The following PDE4D variants were observed in gnomAD, a reference collection of about 807,000 sequenced individuals.
PDE4D encodes the protein phosphodiesterase 4D.
Under a neutral mutation model 87.4 loss-of-function variants are expected in PDE4D, and 24 were observed. The observed-to-expected ratio is 0.27, with a 90% CI of 0.20 to 0.39. The LOEUF (loss-of-function observed/expected upper bound fraction) is 0.39. PDE4D is among the 10% of genes least tolerant of loss of function. PDE4D has a pLI of 1.00. For synonymous variants in PDE4D, 384 were observed against 383.2 expected (o/e 1.00, Z -0.02); for missense variants, 714 against 1,041.0 (o/e 0.69, Z 4.32).
chr5:59,713,207 C>T (rs1218235349), intron 1 of PDE4D, among the ~76,000 whole-genome samples: 1 of 152,120 alleles, frequency 6.6e-6, no homozygotes, highest in Admixed American at 6.5e-5. Context: ...ACAGACATAC[C>T]TCATCTGACA....
intron 1 of PDE4D, among the ~76,000 whole-genome samples, chr5:59,489,719 T>G (rs1047426689): frequency 6.6e-6 from 1 of 152,134 alleles, no homozygotes; most frequent in Non-Finnish European, 1.5e-5. Context: ...TAAAAAGAAC[T>G]CAAAATGACT....
chr5:60,079,245 T>C (rs566158607), intron 2 of PDE4D, among the ~76,000 whole-genome samples: 1 of 152,306 alleles, frequency 6.6e-6, no homozygotes, highest in South Asian at 2.1e-4. Flanking sequence ...TTTTTTCTTA[T>C]AAATATGTTT....
At chr5:59,574,238 A>AAT (rs1224997923) in intron 1 of PDE4D, among the ~76,000 whole-genome samples, 50 of 141,432 alleles carry the variant, frequency 3.5e-4, no homozygotes, top group East Asian at 1.2e-3. Context: ...TTGTAAAGGT[A>AAT]ATATATATAT....
intron 1 of PDE4D, among the ~76,000 whole-genome samples, chr5:59,533,759 G>C (rs1814647189): frequency 6.6e-6 from 1 of 152,198 alleles, no homozygotes; most frequent in Non-Finnish European, 1.5e-5. Flanking sequence ...TTTTGGGGAA[G>C]GGGCCTGGTA....
intron 1 of PDE4D, among the ~76,000 whole-genome samples, chr5:59,264,884 A>G (rs1019863231): frequency 1.3e-5 from 2 of 151,942 alleles, no homozygotes; most frequent in African/African-American, 4.8e-5. Flanking sequence ...CCAGATCTCT[A>G]TTTTTGTCTG....
At chr5:60,298,200 A>T (rs1753587185) in intron 1 of PDE4D, among the ~76,000 whole-genome samples, 1 of 152,204 alleles carries the variant, frequency 6.6e-6, no homozygotes, top group South Asian at 2.1e-4. Flanking sequence ...TATCAGGTAC[A>T]GAAAATTTAT....
intron 1 of PDE4D, among the ~76,000 whole-genome samples, chr5:60,235,349 G>A (rs566780435): frequency 2.0e-5 from 3 of 151,930 alleles, no homozygotes; most frequent in African/African-American, 7.2e-5. Context: ...GTATTTATAA[G>A]AAACTACAAT....
intron 3 of PDE4D, among the ~76,000 whole-genome samples, chr5:59,941,143 G>A (rs1013146114): frequency 3.9e-5 from 6 of 152,130 alleles, no homozygotes; most frequent in Non-Finnish European, 7.3e-5. Flanking sequence ...TCACAGTCAG[G>A]TGAGTTAATT....
Position 58,990,056 on chromosome 5 carries a change from T to C in PDE4D, c.1288-137A>G, listed in dbSNP as rs570280804. 1.1e-4 allele frequency: 62 copies of C among 589,588 alleles called. 1 individual carries two copies. In the South Asian group the frequency reaches 1.3e-3, roughly 12 times the overall value. 36.5% of individuals were successfully genotyped at this position (589,588 alleles called of 1,614,324 possible). Reference sequence around the variant, plus strand: ...AATGGCAACTGCACTCTCACATGTCTAGTGAGGAAAATGGGAACCTCTGAG... The same window carrying C: ...AATGGCAACTGCACTCTCACATGTCCAGTGAGGAAAATGGGAACCTCTGAG... On this transcript the variant is annotated intron_variant, in intron 9 of 14. Transcript: ENST00000340635.
At chr5:59,615,852 A>G (rs1358511250) in intron 1 of PDE4D, among the ~76,000 whole-genome samples, 1 of 152,202 alleles carries the variant, frequency 6.6e-6, no homozygotes, top group Non-Finnish European at 1.5e-5. Flanking sequence ...CTTACAGCGA[A>G]GTATAGGTCT....
chr5:60,388,933 G>C lies in PDE4D; in HGVS notation c.-90+99009C>G, dbSNP rs556391111. On this transcript the variant is annotated intron_variant, in intron 1 of 16. Transcript: ENST00000502484. ...AATATTCATTGTGTACCTCTTATGGGCAAGTTATGGCTTTTCTAAGCATAT... is the reference window on the plus strand; with the variant it reads ...AATATTCATTGTGTACCTCTTATGGCCAAGTTATGGCTTTTCTAAGCATAT... Among the ~76,000 whole-genome samples the C allele has an allele frequency of 2.0e-5, 3 of 152,122 alleles. No homozygotes were observed. In the East Asian group the frequency reaches 5.8e-4, roughly 29 times the overall value.
In PDE4D at chr5:59,887,737, G is replaced by T. The variant is rs559151523; in HGVS notation, c.455+5431C>A. ...AAGCCATCAGTGTGTGTGTGTGTGTGTTTGTGTGTGTGTGTGTGTGTAAAT... is the reference window on the plus strand; with the variant it reads ...AAGCCATCAGTGTGTGTGTGTGTGTTTTTGTGTGTGTGTGTGTGTGTAAAT... On this transcript the variant is annotated intron_variant, in intron 1 of 14. Coordinates refer to ENST00000340635, the MANE Select transcript of PDE4D (RefSeq NM_001104631.2). Among the ~76,000 whole-genome samples, 170 of 151,010 alleles carry T rather than the reference G, an allele frequency of 1.1e-3. 2 individuals are homozygous for T. The highest frequency in any genetic ancestry group is 0.011 in the East Asian group (56 of 5,156).
At chr5:59,844,198 T>A (rs979459) in intron 1 of PDE4D, among the ~76,000 whole-genome samples, 34,106 of 152,064 alleles carry the variant, frequency 0.22, 4,866 homozygotes, top group Admixed American at 0.34. Context: ...AATAGTTTTT[T>A]AATTAATTAT....
intron 1 of PDE4D, among the ~76,000 whole-genome samples, chr5:59,543,785 C>G (rs1209181626): frequency 6.6e-6 from 1 of 152,132 alleles, no homozygotes; most frequent in Non-Finnish European, 1.5e-5. Flanking sequence ...GTCAGGCAAA[C>G]TTTGCTCACC....
chr5:59,875,906 T>C (rs1748530209), intron 1 of PDE4D, among the ~76,000 whole-genome samples: 1 of 152,020 alleles, frequency 6.6e-6, no homozygotes, highest in Non-Finnish European at 1.5e-5. Flanking sequence ...GGGAGCTAAA[T>C]GATGAGAACA....
rs571221357 is a variant in PDE4D, at chr5:59,681,304, A to G, written c.455+211864T>C. On this transcript the variant is annotated intron_variant, in intron 1 of 14. Transcript: ENST00000340635. ...AATAATGATATTAACCAACAATATTAAAGGATAACAACCTGCTAAATAAAG... is the reference window on the plus strand; with the variant it reads ...AATAATGATATTAACCAACAATATTGAAGGATAACAACCTGCTAAATAAAG... Among the ~76,000 whole-genome samples, 108 of 152,328 alleles carry G rather than the reference A, an allele frequency of 7.1e-4. 1 individual carries two copies. The highest frequency in any genetic ancestry group is 2.6e-3 in the African/African-American group (107 of 41,586).
intron 1 of PDE4D, among the ~76,000 whole-genome samples, chr5:59,427,652 A>C (rs1375624096): frequency 6.6e-6 from 1 of 152,064 alleles, no homozygotes; most frequent in African/African-American, 2.4e-5. Context: ...TGGGCAACAC[A>C]GCAAGACCCA....
intron 1 of PDE4D, among the ~76,000 whole-genome samples, chr5:59,560,396 A>C (rs906449634): frequency 3.3e-5 from 5 of 152,298 alleles, no homozygotes; most frequent in African/African-American, 9.6e-5. Flanking sequence ...CACAAAAAAA[A>C]CCCATTCATT....
chr5:59,689,991 C>G (rs1256333945), intron 1 of PDE4D, among the ~76,000 whole-genome samples: 1 of 152,084 alleles, frequency 6.6e-6, no homozygotes, highest in Non-Finnish European at 1.5e-5. Flanking sequence ...AATAAAACAC[C>G]TAGGAATCCA....
Sources: gnomAD v4.1 joint callset for allele counts (sites outside exome capture counted in the v4.1 genomes callset) on GRCh38, gnomAD v4.1.1 for gene constraint, MANE v1.5 for transcripts, NCBI Gene and HGNC (gene_info 2026-07-23, HGNC 2026-07-21) for gene names.